The following ATP9B variants were observed in gnomAD, a reference collection of about 807,000 sequenced individuals.
ATP9B encodes probable phospholipid-transporting ATPase IIB.
In ATP9B, 110 loss-of-function variants were observed where a neutral mutation model predicts 146.1. That is an observed-to-expected ratio of 0.75 (90% confidence interval 0.65 to 0.88). ATP9B has a LOEUF of 0.88. Ranked by LOEUF, ATP9B falls within the 40% of genes least tolerant of loss-of-function variation. The pLI is 0.00. For synonymous variants in ATP9B, 604 were observed against 569.7 expected, an observed-to-expected ratio of 1.06 and a Z score of -0.86; for missense variants, 1,499 against 1,496.4, an observed-to-expected ratio of 1.00 and a Z score of -0.03.
chr18:79,315,406 G>T (rs1196199531), intron 15 of ATP9B, among the ~76,000 whole-genome samples: 2 of 152,128 alleles, frequency 1.3e-5, no homozygotes, highest in African/African-American at 4.8e-5. Flanking sequence ...TGTGAATATT[G>T]ATTAGCAGCT....
At chr18:79,193,101 A>G in intron 8 of ATP9B, 82 bp from the exon 9 acceptor site, 1 of 1,051,002 alleles carries the variant, frequency 9.5e-7, no homozygotes, top group South Asian at 1.5e-5. Context: ...TATATGAACA[A>G]TATTAATCAG....
intron 15 of ATP9B, among the ~76,000 whole-genome samples, chr18:79,312,699 T>C: frequency 6.6e-6 from 1 of 152,210 alleles, no homozygotes; most frequent in East Asian, 1.9e-4. Context: ...AACACATCTG[T>C]AGGAATATTG....
At chr18:79,074,859 T>C (rs1025854990) in intron 1 of ATP9B, among the ~76,000 whole-genome samples, 10 of 152,230 alleles carry the variant, frequency 6.6e-5, no homozygotes, top group Admixed American at 5.9e-4. Flanking sequence ...TTTTCTGAAG[T>C]TGGGTTTTAT....
chr18:79,348,083 G>A, intron 24 of ATP9B, 49 bp from the exon 25 acceptor site: 1 of 1,608,116 alleles, frequency 6.2e-7, no homozygotes, highest in South Asian at 1.1e-5. Context: ...TGGGGCCACA[G>A]GTGCTCGTGG....
At chr18:79,234,668 CCTGTGGGTGTGCTG>C (rs779782126) in intron 11 of ATP9B, among the ~76,000 whole-genome samples, 14 of 145,420 alleles carry the variant, frequency 9.6e-5, no homozygotes, top group Non-Finnish European at 1.5e-4. Flanking sequence ...TGGGTGTGCT[CCTGTGGGTGTGCTG>C]CTGTGGGTGT....
chr18:79,116,940 T>TA (rs377608135), intron 4 of ATP9B, among the ~76,000 whole-genome samples: 9,881 of 106,594 alleles, frequency 0.093, 433 homozygotes, highest in African/African-American at 0.12. Flanking sequence ...AAAAAAAAAT[T>TA]AAAAAAAAAA....
intron 11 of ATP9B, among the ~76,000 whole-genome samples, chr18:79,223,463 A>G (rs1323227126): frequency 1.3e-5 from 2 of 152,352 alleles, no homozygotes; most frequent in East Asian, 1.9e-4. Context: ...GTGCTTCACC[A>G]AAGAGCTACA....
intron 1 of ATP9B, among the ~76,000 whole-genome samples, chr18:79,078,341 G>A (rs1397167303): frequency 6.6e-6 from 1 of 151,998 alleles, no homozygotes; most frequent in African/African-American, 2.4e-5. Context: ...ACACAACATG[G>A]GCATGAGACC....
chr18:79,376,223 A>G, intron 29 of ATP9B: 1 of 984,662 alleles, frequency 1.0e-6, no homozygotes, highest in African/African-American at 1.8e-5. Flanking sequence ...ACAAAACAAA[A>G]CAAAAAAATG....
intron 3 of ATP9B, among the ~76,000 whole-genome samples, chr18:79,111,751 A>G (rs1222831971): frequency 1.3e-5 from 2 of 152,304 alleles, no homozygotes; most frequent in East Asian, 3.9e-4. Context: ...CAGCCTGCCC[A>G]GATTGGCCGC....
chr18:79,172,844 A>G (rs1181746051), intron 7 of ATP9B, among the ~76,000 whole-genome samples: 1 of 152,254 alleles, frequency 6.6e-6, no homozygotes, highest in African/African-American at 2.4e-5. Flanking sequence ...GCTTTGAACA[A>G]TTATGTACAG....
Position 79,377,957 on chromosome 18 carries a change from TGA to T in ATP9B, c.*576_*577del, listed in dbSNP as rs2148077399. 6.5e-6 allele frequency: 1 copy of T among 153,474 alleles called. No individual in the cohort carries two copies. Among genetic ancestry groups the T allele is most frequent in the African/African-American group, 2.4e-5 (1 of 41,602 alleles). 9.5% of individuals were successfully genotyped at this position (153,474 alleles called of 1,614,324 possible). A position where few individuals can be genotyped will look rare whatever the true frequency, so the allele number is the denominator to read the frequency against. On this transcript the variant is annotated 3_prime_UTR_variant, in exon 30 of 30. Coordinates refer to ENST00000426216, the MANE Select transcript of ATP9B (RefSeq NM_198531.5). ...ATTGTATTTCCATATTGAAGCAGCT[TGA>T]GTTTCTACTGAAAATGAGCCCGAAT...
Position 79,189,776 on chromosome 18 carries a change from T to G in ATP9B, c.874-3407T>G, listed in dbSNP as rs143085696. On this transcript the variant is annotated intron_variant, in intron 8 of 29. Coordinates refer to ENST00000426216, the MANE Select transcript of ATP9B (RefSeq NM_198531.5). ...CAGACTTTAATCCACCACACATACTTAGCAGCTCAGTTTTTTCTTGTAGTG... is the reference window on the plus strand; with the variant it reads ...CAGACTTTAATCCACCACACATACTGAGCAGCTCAGTTTTTTCTTGTAGTG... 3.7e-3 allele frequency among the ~76,000 whole-genome samples: 559 copies of G among 152,348 alleles called. 3 individuals are homozygous for G. The highest frequency in any genetic ancestry group is 0.024 in the South Asian group (115 of 4,826).
intron 1 of ATP9B, among the ~76,000 whole-genome samples, chr18:79,074,459 G>A (rs926190069): frequency 1.3e-5 from 2 of 152,204 alleles, no homozygotes; most frequent in African/African-American, 4.8e-5. Flanking sequence ...TTAGGTTATG[G>A]ATAAAAAGGT....
rs561253896 is a variant in ATP9B at position 79,096,487 on chromosome 18, A to T, written c.131A>T (p.Glu44Val). ...TTTACCCTAACTAGGTACCAGCTGGAGGATGAGTCTGCGCATTTGGATGAA... is the reference window on the plus strand; with the variant it reads ...TTTACCCTAACTAGGTACCAGCTGGTGGATGAGTCTGCGCATTTGGATGAA... The part of the protein sequence containing the change: ...GADRHSRYQL[E>V]DESAHLDEMP... The change falls in exon 2 of 30, where the codon GAG becomes GTG. Residue 44 changes from glutamate to valine, a missense_variant. Coordinates refer to ENST00000426216, the MANE Select transcript of ATP9B (RefSeq NM_198531.5). The T allele has an allele frequency of 6.2e-7, 1 of 1,613,932 alleles. No individual in the cohort carries two copies. The highest frequency in any genetic ancestry group is 8.5e-7 in the Non-Finnish European group (1 of 1,179,882).
chr18:79,208,021 G>A (rs1179993994), intron 10 of ATP9B, among the ~76,000 whole-genome samples: 5 of 152,294 alleles, frequency 3.3e-5, no homozygotes, highest in South Asian at 2.1e-4. Context: ...CGAGGCGGGC[G>A]GATCACAAGG....
intron 2 of ATP9B, among the ~76,000 whole-genome samples, chr18:79,098,541 AAAC>A (rs1308746644): frequency 6.6e-6 from 1 of 151,696 alleles, no homozygotes; most frequent in African/African-American, 2.4e-5. Context: ...TACAAGAAGA[AAAC>A]AAACAACCCC....
chr18:79,349,638 G>C (rs1200036517), intron 25 of ATP9B, among the ~76,000 whole-genome samples: 1 of 152,238 alleles, frequency 6.6e-6, no homozygotes, highest in African/African-American at 2.4e-5. Context: ...ATATCAGTCT[G>C]TGCGTGTGTT....
chr18:79,347,438 G>A (rs58399203), intron 23 of ATP9B, among the ~76,000 whole-genome samples: 6 of 150,284 alleles, frequency 4.0e-5, no homozygotes, highest in African/African-American at 1.0e-4. Flanking sequence ...GGTGTCTTCC[G>A]ACAGGGCGGG....
Sources: gnomAD v4.1 joint callset for allele counts (sites outside exome capture counted in the v4.1 genomes callset) on GRCh38, gnomAD v4.1.1 for gene constraint, MANE v1.5 for transcripts, NCBI Gene and HGNC (gene_info 2026-07-23, HGNC 2026-07-21) for gene names.